The following SERPINB10 variants were observed in gnomAD, a reference collection of about 807,000 sequenced individuals.
The protein encoded by SERPINB10 is serpin B10.
A neutral mutation model predicts 39.1 loss-of-function variants in SERPINB10; 35 were observed. The ratio of observed to expected loss-of-function variants is 0.90; its 90% CI spans 0.68 to 1.19. The LOEUF is 1.19. Among genes scored for constraint, SERPINB10 ranks in the 50% most tolerant of loss-of-function variants. The pLI, the probability that SERPINB10 is intolerant of heterozygous loss-of-function variation, is 0.00. For missense variants in SERPINB10, 546 were observed against 460.5 expected, an observed-to-expected ratio of 1.19 and a Z score of -1.70; for synonymous variants, 190 against 158.1, an observed-to-expected ratio of 1.20 and a Z score of -1.52.
intron 5 of SERPINB10, among the ~76,000 whole-genome samples, chr18:63,925,140 A>G (rs534257440): frequency 6.6e-6 from 1 of 152,156 alleles, no homozygotes; most frequent in African/African-American, 2.4e-5. Flanking sequence ...TAAGGCAAAG[A>G]CAAAGGCTAC....
chr18:63,911,348 C>T (rs1191815935), intron 1 of SERPINB10, among the ~76,000 whole-genome samples: 2 of 151,028 alleles, frequency 1.3e-5, no homozygotes, highest in Non-Finnish European at 2.9e-5. Context: ...AATACTTCCC[C>T]CAACACTGAT....
chr18:63,910,871 T>A (rs1476360785), intron 1 of SERPINB10, among the ~76,000 whole-genome samples: 1 of 151,906 alleles, frequency 6.6e-6, no homozygotes, highest in Admixed American at 6.6e-5. Flanking sequence ...CCTTGGGAAA[T>A]CTCCAATCTG....
chr18:63,933,648 C>G (rs2050240402), intron 7 of SERPINB10, among the ~76,000 whole-genome samples: 2 of 152,242 alleles, frequency 1.3e-5, no homozygotes, highest in Admixed American at 1.3e-4. Context: ...AGACATCAAG[C>G]TGTCTTCCAA....
intron 1 of SERPINB10, among the ~76,000 whole-genome samples, chr18:63,914,529 ATTAAC>A (rs762522422): frequency 4.6e-5 from 7 of 152,138 alleles, no homozygotes; most frequent in Non-Finnish European, 1.0e-4. Context: ...AATAGATGGA[ATTAAC>A]TATAGAAACC....
chr18:63,917,431 A>G lies in SERPINB10; in HGVS notation c.169-25A>G, dbSNP rs771931740. ...ATAATTACTTCTCTGCAGTCTATTCATTTGTATTTTTATTGAAATTACAGG... is the reference window on the plus strand; with the variant it reads ...ATAATTACTTCTCTGCAGTCTATTCGTTTGTATTTTTATTGAAATTACAGG... On this transcript the variant is annotated intron_variant, in intron 2 of 7. Transcript: ENST00000238508. The G allele has an allele frequency of 2.4e-5, 34 of 1,418,318 alleles. 1 individual carries two copies. The Middle Eastern group carries it at 4.0e-3, about 168-fold the overall frequency. The allele number at this position is 1,418,318 out of a possible 1,614,324, so 87.9% of individuals were successfully genotyped here.
At position 63,935,180 on chromosome 18, in the gene SERPINB10, T is replaced by C. The variant is rs750734262; in HGVS notation, c.1132T>C (p.Phe378Leu). 9 of 1,612,272 alleles carry C rather than the reference T, an allele frequency of 5.6e-6. No individual in the cohort carries two copies. The East Asian group carries it at 2.0e-4, about 36-fold the overall frequency. Residue 378 changes from phenylalanine (F) to leucine (L), a missense_variant, in exon 8 of 8, where the codon TTC becomes CTC. Transcript: ENST00000238508. ...ATTCAATGCAAATCACCCATTCCTC[T>C]TCTTCATCAGGCACAATAAAACCAA... ...IEFNANHPFL[F>L]FIRHNKTNTI... is the part of the protein sequence containing the mutation.
intron 5 of SERPINB10, among the ~76,000 whole-genome samples, chr18:63,927,994 T>C (rs620799): frequency 6.6e-6 from 1 of 152,098 alleles, no homozygotes; most frequent in African/African-American, 2.4e-5. Flanking sequence ...AGAATTTACC[T>C]GTCTACATGT....
chr18:63,930,045 G>A lies in SERPINB10; in HGVS notation c.491G>A (p.Gly164Asp), dbSNP rs762450711. The change falls in exon 6 of 8, where the codon GGT becomes GAT. Residue 164 changes from glycine (G) to aspartate (D), a missense_variant and splice_region_variant. Coordinates refer to ENST00000238508, the MANE Select transcript of SERPINB10 (RefSeq NM_005024.3). ...INSWVERQTE[G>D]KIQNLLPDDS... is the part of the protein sequence containing the mutation. ...TGCAACCTGCCTTTTGTTCTTACAG[G>A]TAAAATCCAGAATCTCCTGCCTGAT... 6.2e-7 allele frequency: 1 copy of A among 1,612,974 alleles called. No homozygotes were observed. Among genetic ancestry groups the A allele is most frequent in the South Asian group, 1.1e-5 (1 of 91,010 alleles).
chr18:63,909,807 A>G (rs9963851), intron 1 of SERPINB10, among the ~76,000 whole-genome samples: 40,281 of 151,938 alleles, frequency 0.27, 6,077 homozygotes, highest in African/African-American at 0.41. Context: ...TGTTATTTGA[A>G]TGAGTAAGAG....
rs762499900 is a variant in SERPINB10 at position 63,919,909 on chromosome 18, A to C, written c.490+4A>C. The C allele has an allele frequency of 8.3e-6, 13 of 1,575,612 alleles. No individual in the cohort carries two copies. Among genetic ancestry groups the C allele is most frequent in the Admixed American group, 1.8e-5 (1 of 56,078 alleles). On this transcript the variant is annotated splice_donor_region_variant and intron_variant, in intron 5 of 7. Coordinates refer to ENST00000238508, the MANE Select transcript of SERPINB10 (RefSeq NM_005024.3). ...TGGGTTGAAAGACAGACCGAGGGTA[A>C]GCTTTCACCAAGGGGTTTGGCAGCG...
intron 6 of SERPINB10, 74 bp from the exon 7 acceptor site, chr18:63,932,974 G>C (rs1056154982): frequency 1.5e-6 from 2 of 1,370,070 alleles, no homozygotes; most frequent in African/African-American, 1.5e-5. Flanking sequence ...AATGATGGTA[G>C]AGAATTAAGG....
chr18:63,924,796 C>G (rs145995509), intron 5 of SERPINB10, among the ~76,000 whole-genome samples: 2 of 151,948 alleles, frequency 1.3e-5, no homozygotes, highest in East Asian at 1.9e-4. Flanking sequence ...TTTTCTCTTT[C>G]GGGATTCTTC....
chr18:63,917,513 A>G lies in SERPINB10; in HGVS notation c.226A>G (p.Arg76Gly). The G allele has an allele frequency of 2.6e-6, 4 of 1,559,702 alleles. No homozygotes were observed. The highest frequency in any genetic ancestry group is 3.5e-6 in the Non-Finnish European group (4 of 1,145,670). Reference protein sequence around the residue: ...VKCDPESEKKRKMEFNLSNSE... With the variant: ...VKCDPESEKKGKMEFNLSNSE... Reference sequence around the variant, plus strand: ...ATGTGACCCTGAAAGTGAAAAAAAAAGGAAAATGGTATATCTTATCCTTTA... The same window carrying G: ...ATGTGACCCTGAAAGTGAAAAAAAAGGGAAAATGGTATATCTTATCCTTTA... Residue 76 changes from arginine to glycine, a missense_variant, in exon 3 of 8, where the codon AGG (arginine) becomes GGG (glycine). Physicochemically the swap from Arg to Gly is moderately radical, Grantham distance 125. Coordinates refer to ENST00000238508, the MANE Select transcript of SERPINB10 (RefSeq NM_005024.3).
At chr18:63,925,535 T>C (rs1374836937) in intron 5 of SERPINB10, among the ~76,000 whole-genome samples, 1 of 151,946 alleles carries the variant, frequency 6.6e-6, no homozygotes, top group Non-Finnish European at 1.5e-5. Flanking sequence ...AGGGGAGGCT[T>C]CCAATGGCAA....
At chr18:63,926,456 T>A (rs2050182343) in intron 5 of SERPINB10, among the ~76,000 whole-genome samples, 1 of 151,984 alleles carries the variant, frequency 6.6e-6, no homozygotes, top group Admixed American at 6.6e-5. Flanking sequence ...AAGGTCACAT[T>A]CACAGGTACT....
intron 3 of SERPINB10, 140 bp downstream of exon 3, chr18:63,917,661 G>T: frequency 1.8e-6 from 1 of 550,768 alleles, no homozygotes; most frequent in Non-Finnish European, 3.2e-6. Context: ...ACTTTTTTTG[G>T]AATACAAAAT....
chr18:63,909,907 T>C (rs937398870), intron 1 of SERPINB10, among the ~76,000 whole-genome samples: 2 of 152,018 alleles, frequency 1.3e-5, no homozygotes, highest in South Asian at 2.1e-4. Flanking sequence ...TTTATGAGAG[T>C]GTAGAATTAC....
intron 1 of SERPINB10, among the ~76,000 whole-genome samples, chr18:63,915,294 T>C (rs2050093028): frequency 6.6e-6 from 1 of 152,122 alleles, no homozygotes; most frequent in East Asian, 1.9e-4. Context: ...ACATTAGCAC[T>C]AAAATTTGAG....
At chr18:63,920,325 G>C (rs770956481) in intron 5 of SERPINB10, among the ~76,000 whole-genome samples, 7 of 152,022 alleles carry the variant, frequency 4.6e-5, no homozygotes, top group Non-Finnish European at 8.8e-5. Flanking sequence ...GTATCAGTTA[G>C]AGTATGGATT....
Sources: gnomAD v4.1 joint callset for allele counts (sites outside exome capture counted in the v4.1 genomes callset) on GRCh38, gnomAD v4.1.1 for gene constraint, MANE v1.5 for transcripts, NCBI Gene and HGNC (gene_info 2026-07-23, HGNC 2026-07-21) for gene names.